Variants in ACSL1 observed in about 807,000 individuals in gnomAD.
ACSL1 encodes the protein acyl-CoA synthetase long chain family member 1.
ACSL1 carries 41 observed loss-of-function variants against 98.4 expected under a neutral mutation model. The observed-to-expected ratio is 0.42, with a 90% CI of 0.32 to 0.54. ACSL1 has a LOEUF of 0.54. Among genes scored for constraint, ACSL1 ranks in the 20% least tolerant of loss-of-function variants. ACSL1 has a pLI of 0.13. For synonymous variants in ACSL1, 316 were observed against 322.7 expected (o/e 0.98, Z 0.22); for missense variants, 734 against 883.1 (o/e 0.83, Z 2.14).
intron 15 of ACSL1, among the ~76,000 whole-genome samples, chr4:184,763,564 C>T (rs1763162676): frequency 6.6e-6 from 1 of 152,226 alleles, no homozygotes; most frequent in South Asian, 2.1e-4. Flanking sequence ...CTTCACTCGG[C>T]TTCCACCCTC....
intron 1 of ACSL1, among the ~76,000 whole-genome samples, chr4:184,821,661 A>G (rs1773078984): frequency 6.6e-6 from 1 of 152,272 alleles, no homozygotes; most frequent in Non-Finnish European, 1.5e-5. Flanking sequence ...ATTTAAACAT[A>G]TAACAAAGGT....
chr4:184,820,044 A>AGGCACG (rs1208610283), intron 1 of ACSL1, among the ~76,000 whole-genome samples: 4 of 152,144 alleles, frequency 2.6e-5, no homozygotes, highest in African/African-American at 9.7e-5. Flanking sequence ...GAACAGGCAC[A>AGGCACG]GGGCCCGGGA....
chr4:184,811,401 C>T (rs150854836), intron 1 of ACSL1, among the ~76,000 whole-genome samples: 180 of 151,682 alleles, frequency 1.2e-3, no homozygotes, highest in Admixed American at 4.8e-3. Flanking sequence ...TGTGAGCCAC[C>T]GCGCCCAGCT....
At chr4:184,826,172 T>G (rs567326391), upstream of ACSL1, 3 of 148,498 alleles carry the variant, frequency 2.0e-5, no homozygotes, top group African/African-American at 7.3e-5. Context: ...GCCGCCCTCC[T>G]GTCTGGGCGC....
chr4:184,811,153 G>C (rs1772027728), intron 1 of ACSL1, among the ~76,000 whole-genome samples: 1 of 152,136 alleles, frequency 6.6e-6, no homozygotes, highest in Non-Finnish European at 1.5e-5. Context: ...TTGTCGCCCA[G>C]GCTGGAGTGC....
intron 12 of ACSL1, among the ~76,000 whole-genome samples, chr4:184,767,243 C>T (rs948440645): frequency 2.7e-5 from 4 of 145,550 alleles, no homozygotes; most frequent in Admixed American, 1.4e-4. Context: ...GATAACACCA[C>T]TGCACTCTAG....
intron 1 of ACSL1, among the ~76,000 whole-genome samples, chr4:184,816,501 G>C (rs1046021553): frequency 2.0e-5 from 3 of 152,138 alleles, no homozygotes; most frequent in Non-Finnish European, 4.4e-5. Flanking sequence ...GAAAGAAAAA[G>C]AGACTATGCA....
intron 3 of ACSL1, among the ~76,000 whole-genome samples, chr4:184,786,426 A>ACACACACACACACACG (rs1767333965): frequency 7.8e-6 from 1 of 128,538 alleles, no homozygotes; most frequent in Non-Finnish European, 1.8e-5. Flanking sequence ...AAGCACACAC[A>ACACACACACACACACG]CACACACACA....
In ACSL1 at chr4:184,766,461, T is replaced by C. The variant is rs926893012; in HGVS notation, c.1263+161A>G. 6.6e-6 allele frequency among the ~76,000 whole-genome samples: 1 copy of C among 152,230 alleles called. No homozygotes were observed. The highest frequency in any genetic ancestry group is 2.4e-5 in the African/African-American group (1 of 41,462). On this transcript the variant is annotated intron_variant, in intron 13 of 20. Coordinates refer to ENST00000281455, the MANE Select transcript of ACSL1 (RefSeq NM_001995.5). The surrounding 1 kb of genome is among the most constrained non-coding windows in gnomAD (Gnocchi z 4.8). ...ATTGATCTTAGAAACTGAGGCCTCC[T>C]TAATGGCTTTGCCTTAGTTTTTAAA...
chr4:184,783,604 C>T (rs1381926013), intron 4 of ACSL1, among the ~76,000 whole-genome samples: 1 of 152,162 alleles, frequency 6.6e-6, no homozygotes, highest in African/African-American at 2.4e-5. Context: ...TTTCTAGTAC[C>T]CCTCAAGTGG....
At chr4:184,812,497 C>T in intron 1 of ACSL1, among the ~76,000 whole-genome samples, 1 of 152,182 alleles carries the variant, frequency 6.6e-6, no homozygotes, top group Non-Finnish European at 1.5e-5. Context: ...GAGTAGAGAA[C>T]ATCTCCTGGC....
At chr4:184,783,292 C>A (rs1766641628) in intron 4 of ACSL1, among the ~76,000 whole-genome samples, 1 of 152,220 alleles carries the variant, frequency 6.6e-6, no homozygotes, top group Non-Finnish European at 1.5e-5. Flanking sequence ...CAAGGGCCAC[C>A]ATACTCAGAT....
chr4:184,798,505 C>T (rs1356518676), intron 2 of ACSL1: 5 of 188,150 alleles, frequency 2.7e-5, no homozygotes, highest in African/African-American at 4.7e-5. Context: ...GTCTCCATCC[C>T]GCTGGCTTAG....
intron 10 of ACSL1, among the ~76,000 whole-genome samples, chr4:184,771,517 C>G (rs1764509158): frequency 6.6e-6 from 1 of 152,158 alleles, no homozygotes; most frequent in African/African-American, 2.4e-5. Context: ...GGAATTTGCT[C>G]TCCTATAAAA....
rs1412866300 is a variant in ACSL1 at position 184,766,906 on chromosome 4, A to G, written c.1129-150T>C. 4 of 851,768 alleles carry G rather than the reference A, an allele frequency of 4.7e-6. No individual in the cohort carries two copies. The highest frequency in any genetic ancestry group is 2.7e-5 in the East Asian group (1 of 36,844). 52.8% of individuals were successfully genotyped at this position (851,768 alleles called of 1,614,324 possible). Reference sequence around the variant, plus strand: ...CTGGCCGGTCCTCTAACGGCCCCACATGGTCAGCACAGGACAGCAATTCCA... The same window carrying G: ...CTGGCCGGTCCTCTAACGGCCCCACGTGGTCAGCACAGGACAGCAATTCCA... On this transcript the variant is annotated intron_variant, in intron 12 of 20. Transcript: ENST00000281455. This position sits in a 1 kb window ranked among gnomAD's most constrained non-coding sequence, Gnocchi z 4.8.
intron 1 of ACSL1, among the ~76,000 whole-genome samples, chr4:184,811,973 G>A (rs973000514): frequency 7.2e-5 from 11 of 152,096 alleles, no homozygotes; most frequent in African/African-American, 2.7e-4. Context: ...TGATTTGTGA[G>A]CAACCGGCCC....
chr4:184,803,472 G>A lies in ACSL1; in HGVS notation c.43C>T (p.Leu15=). The change falls in exon 2 of 21, where the codon CTG becomes TTG. Residue 15 remains leucine, a synonymous_variant. Coordinates refer to ENST00000281455, the MANE Select transcript of ACSL1 (RefSeq NM_001995.5). The surrounding 1 kb of genome is among the most constrained non-coding windows in gnomAD (Gnocchi z 4.8). ...CGCACGTACTGTCGGAAGTCAACCA[G>A]CTCTGGCATTCGAAAATACCGGAAC... is the stretch of plus-strand genomic sequence containing the variant. ...ELFRYFRMPE[L]VDFRQYVRTL... 3.7e-6 allele frequency: 6 copies of A among 1,609,532 alleles called. No individual in the cohort carries two copies. The highest frequency in any genetic ancestry group is 5.1e-6 in the Non-Finnish European group (6 of 1,177,522).
intron 1 of ACSL1, among the ~76,000 whole-genome samples, chr4:184,807,340 CT>C (rs1007255671): frequency 6.6e-6 from 1 of 152,192 alleles, no homozygotes. Flanking sequence ...ATTCAATTGG[CT>C]TAAAGGCTTA....
chr4:184,755,688 A>G lies in ACSL1; in HGVS notation c.*1437T>C, dbSNP rs1326700007. On this transcript the variant is annotated 3_prime_UTR_variant, in exon 21 of 21. Transcript: ENST00000281455. ...AAAACATAGAAATAGCCAACACTTA[A>G]AGCAAACATTCAAAACCCCAAGGTG... 1 of 152,692 alleles carries G rather than the reference A, an allele frequency of 6.5e-6. No individual in the cohort carries two copies. Among genetic ancestry groups the G allele is most frequent in the Non-Finnish European group, 1.5e-5 (1 of 68,054 alleles). 9.5% of individuals were successfully genotyped at this position (152,692 alleles called of 1,614,324 possible). A position where few individuals can be genotyped will look rare whatever the true frequency, so the allele number is the denominator to read the frequency against.
Sources: gnomAD v4.1 joint callset for allele counts (sites outside exome capture counted in the v4.1 genomes callset) on GRCh38, gnomAD v4.1.1 for gene constraint, Gnocchi (gnomAD v3.1) non-coding constraint, MANE v1.5 for transcripts, NCBI Gene and HGNC (gene_info 2026-07-23, HGNC 2026-07-21) for gene names.